FILIP1L: variants seen among roughly 807,000 people sequenced by gnomAD.
The protein encoded by FILIP1L is filamin A-interacting protein 1-like.
Under a neutral mutation model 96.6 loss-of-function variants are expected in FILIP1L, and 55 were observed. That is an observed-to-expected ratio of 0.57 (90% confidence interval 0.46 to 0.71). The LOEUF is 0.71. Ranked by LOEUF, FILIP1L falls within the 30% of genes least tolerant of loss-of-function variation. The pLI is 0.00. For synonymous variants in FILIP1L, 467 were observed against 473.9 expected (o/e 0.99, Z 0.19); for missense variants, 1,304 against 1,321.2 (o/e 0.99, Z 0.20).
chr3:100,011,724 A>G (rs1258952166), intron 1 of FILIP1L: 4 of 152,132 alleles, frequency 2.6e-5, no homozygotes, highest in Non-Finnish European at 5.9e-5. Flanking sequence ...ATCTCTACCC[A>G]TAGGCTCCAC....
At chr3:99,844,194 C>T (rs1041427772) in intron 5 of FILIP1L, among the ~76,000 whole-genome samples, 2 of 152,084 alleles carry the variant, frequency 1.3e-5, no homozygotes, top group African/African-American at 4.8e-5. Context: ...ATTTGAAGTA[C>T]CGTTTTAGGG....
rs775484361 is a variant in FILIP1L at position 99,848,337 on chromosome 3, G to C, written c.3339C>G (p.Ile1113Met). The change falls in exon 5 of 6, where the codon ATC becomes ATG. Residue 1113 changes from isoleucine (I) to methionine (M), a missense_variant. Physicochemically the swap from Ile to Met is conservative, Grantham distance 10 (BLOSUM62 1). Transcript: ENST00000477258. ...GAGGAAGAGGTGTGGCTGTTGGTGT[G>C]ATAGTAATACTGCTGGTGACTTTAT... The part of the protein sequence containing the change: ...TTNKVTSSIT[I>M]TPTATPLPRQ... 4.3e-6 allele frequency: 7 copies of C among 1,614,046 alleles called. No individual in the cohort carries two copies. In the Admixed American group the frequency reaches 1.2e-4, roughly 27 times the overall value.
chr3:99,853,424 G>A (rs1559660383), intron 4 of FILIP1L, among the ~76,000 whole-genome samples: 2 of 152,308 alleles, frequency 1.3e-5, no homozygotes, highest in East Asian at 3.9e-4. Context: ...TGAGAAGGGG[G>A]TGTGTTTTCT....
At chr3:99,977,529 G>C (rs1709006641) in intron 1 of FILIP1L, among the ~76,000 whole-genome samples, 1 of 151,808 alleles carries the variant, frequency 6.6e-6, no homozygotes, top group African/African-American at 2.4e-5. Flanking sequence ...TGTTTTCCTG[G>C]GAATGTAAGC....
At chr3:99,991,160 G>T (rs1317556423) in intron 1 of FILIP1L, among the ~76,000 whole-genome samples, 1 of 152,070 alleles carries the variant, frequency 6.6e-6, no homozygotes, top group Non-Finnish European at 1.5e-5. Flanking sequence ...ATTCTCATTC[G>T]ATTTGCAGTA....
chr3:99,909,765 A>C (rs1183361721), intron 4 of FILIP1L, among the ~76,000 whole-genome samples: 4 of 152,248 alleles, frequency 2.6e-5, no homozygotes, highest in African/African-American at 9.6e-5. Flanking sequence ...AGATAACCTC[A>C]GTGTATATTT....
chr3:100,051,976 A>G (rs913351865), intron 1 of FILIP1L, among the ~76,000 whole-genome samples: 2 of 150,264 alleles, frequency 1.3e-5, no homozygotes, highest in Non-Finnish European at 3.0e-5. Context: ...ATTTATACAT[A>G]AATATAAATG....
In FILIP1L at chr3:99,849,192, A is replaced by G. The variant is rs1194121164; in HGVS notation, c.2484T>C (p.Tyr828=). ...LERAVINGQL[Y]EESENQDEDP... ...CCTCGTCTTGATTCTCACTCTCCTC[A>G]TATAACTGACCATTGATGACTGCAC... The change falls in exon 5 of 6, where the codon TAT becomes TAC. Residue 828 remains tyrosine, a synonymous_variant. Transcript: ENST00000477258. 1.9e-6 allele frequency: 3 copies of G among 1,613,974 alleles called. No individual in the cohort carries two copies. Among genetic ancestry groups the G allele is most frequent in the Admixed American group, 1.7e-5 (1 of 60,004 alleles).
chr3:99,931,832 A>G (rs1338744179), intron 1 of FILIP1L, among the ~76,000 whole-genome samples: 2 of 152,342 alleles, frequency 1.3e-5, no homozygotes, highest in Admixed American at 6.5e-5. Context: ...ATGAATTTAT[A>G]ATAGGAAGAA....
intron 1 of FILIP1L, chr3:100,010,239 A>G (rs1710104162): frequency 2.0e-6 from 1 of 505,750 alleles, no homozygotes; most frequent in African/African-American, 2.1e-5. Context: ...ATTTCTCAGT[A>G]TGTTTTTCCC....
chr3:99,932,197 G>A (rs1200876179), intron 1 of FILIP1L, among the ~76,000 whole-genome samples: 1 of 152,050 alleles, frequency 6.6e-6, no homozygotes, highest in Non-Finnish European at 1.5e-5. Flanking sequence ...TCCCACTCCA[G>A]AAGTAACCAC....
At chr3:100,048,633 A>G (rs995077844) in intron 1 of FILIP1L, among the ~76,000 whole-genome samples, 7 of 152,146 alleles carry the variant, frequency 4.6e-5, no homozygotes, top group Non-Finnish European at 1.0e-4. Flanking sequence ...ACTGCCATTT[A>G]GAGAGGGAAA....
At chr3:99,858,028 A>C (rs1944057581) in intron 4 of FILIP1L, among the ~76,000 whole-genome samples, 1 of 152,172 alleles carries the variant, frequency 6.6e-6, no homozygotes, top group African/African-American at 2.4e-5. Context: ...CAATTCAGTA[A>C]AGGCTCCAGA....
At chr3:99,924,750 G>A (rs546103315) in intron 3 of FILIP1L, among the ~76,000 whole-genome samples, 1 of 152,286 alleles carries the variant, frequency 6.6e-6, no homozygotes, top group East Asian at 1.9e-4. Context: ...TTGAACTCCT[G>A]ACCTCAAGTG....
At chr3:99,930,472 C>G (rs933862589) in intron 2 of FILIP1L, among the ~76,000 whole-genome samples, 8 of 152,184 alleles carry the variant, frequency 5.3e-5, no homozygotes, top group African/African-American at 1.9e-4. Flanking sequence ...CCGAAGTCAT[C>G]TGGCATTATT....
At chr3:99,976,877 C>G (rs1400179042) in intron 1 of FILIP1L, among the ~76,000 whole-genome samples, 2 of 152,088 alleles carry the variant, frequency 1.3e-5, no homozygotes, top group Non-Finnish European at 2.9e-5. Flanking sequence ...CTCTGGCTTC[C>G]TACCTTGCCC....
intron 5 of FILIP1L, chr3:99,833,339 A>T: frequency 7.8e-7 from 1 of 1,276,574 alleles, no homozygotes; most frequent in Non-Finnish European, 1.1e-6. Context: ...TTTTATCCAT[A>T]GATTCTCAAA....
chr3:100,049,188 A>G (rs901303723), intron 1 of FILIP1L, among the ~76,000 whole-genome samples: 6 of 152,214 alleles, frequency 3.9e-5, no homozygotes, highest in Non-Finnish European at 7.3e-5. Context: ...TTGGGAACAC[A>G]TATCTTCTCT....
intron 4 of FILIP1L, among the ~76,000 whole-genome samples, chr3:99,916,793 A>G (rs183528633): frequency 1.3e-5 from 2 of 152,302 alleles, no homozygotes; most frequent in East Asian, 1.9e-4. Flanking sequence ...GTGCTCTTCC[A>G]TAAGGCCTTT....
Sources: gnomAD v4.1 joint callset for allele counts (sites outside exome capture counted in the v4.1 genomes callset) on GRCh38, gnomAD v4.1.1 for gene constraint, MANE v1.5 for transcripts, NCBI Gene and HGNC (gene_info 2026-07-23, HGNC 2026-07-21) for gene names.